Variants in UGT1A7 observed in about 807,000 individuals in gnomAD.
The protein encoded by UGT1A7 is UDP glucuronosyltransferase family 1 member A7.
UGT1A7 carries 33 observed loss-of-function variants against 45.6 expected under a neutral mutation model. That is an observed-to-expected ratio of 0.72 (90% confidence interval 0.55 to 0.97). UGT1A7 has a LOEUF of 0.97. UGT1A7 is among the 50% of genes least tolerant of loss of function. UGT1A7 has a pLI of 0.00. For synonymous variants in UGT1A7, 274 were observed against 250.6 expected (o/e 1.09, Z -0.88); for missense variants, 684 against 666.2 (o/e 1.03, Z -0.29).
At chr2:233,729,266 T>C (rs6431625) in intron 1 of UGT1A7, 636,149 of 1,613,866 alleles carry the variant, frequency 0.39, 130,866 homozygotes, top group African/African-American at 0.67. Flanking sequence ...ATGCGGGAGG[T>C]CTTGCGGGAG....
Position 233,772,452 on chromosome 2 carries a change from G to A in UGT1A7, c.1486G>A (p.Val496Met), listed in dbSNP as rs199723856. 1.2e-4 allele frequency: 186 copies of A among 1,614,176 alleles called. No homozygotes were observed. The highest frequency in any genetic ancestry group is 1.5e-4 in the Non-Finnish European group (177 of 1,180,044). The change falls in exon 5 of 5, where the codon GTG becomes ATG. Residue 496 changes from valine (V) to methionine (M), a missense_variant. Physicochemically the swap from Val to Met is conservative, Grantham distance 21 (BLOSUM62 1). Transcript: ENST00000373426. The stretch of plus-strand genomic sequence containing the variant: ...CGTGATTGGTTTCCTCTTGGCCGTC[G>A]TGCTGACAGTGGCCTTCATCACCTT... ...LDVIGFLLAV[V>M]LTVAFITFKC...
intron 1 of UGT1A7, among the ~76,000 whole-genome samples, chr2:233,702,826 A>G (rs1459451929): frequency 1.3e-5 from 2 of 152,202 alleles, no homozygotes; most frequent in African/African-American, 4.8e-5. Context: ...ATTGTGTTGT[A>G]TAATCCTTTT....
chr2:233,743,881 C>T (rs755016650), intron 1 of UGT1A7: 6 of 1,366,984 alleles, frequency 4.4e-6, no homozygotes, highest in Middle Eastern at 4.2e-4. Flanking sequence ...ATGAGGCCTG[C>T]CGGGGCACGT....
chr2:233,728,881 C>T (rs529466232), intron 1 of UGT1A7, among the ~76,000 whole-genome samples: 1 of 152,166 alleles, frequency 6.6e-6, no homozygotes. Flanking sequence ...TTGGATGTTC[C>T]CCAGAGTGAG....
chr2:233,706,044 G>A (rs2075886174), intron 1 of UGT1A7, among the ~76,000 whole-genome samples: 1 of 152,138 alleles, frequency 6.6e-6, no homozygotes, highest in Admixed American at 6.5e-5. Context: ...GCAGTGAGCC[G>A]AGATCACGCC....
At chr2:233,700,796 T>C (rs2075587558) in intron 1 of UGT1A7, among the ~76,000 whole-genome samples, 1 of 152,174 alleles carries the variant, frequency 6.6e-6, no homozygotes, top group Non-Finnish European at 1.5e-5. Context: ...TATGTATACA[T>C]GTGCCATGTT....
intron 1 of UGT1A7, chr2:233,743,956 G>A (rs184316279): frequency 9.0e-5 from 120 of 1,338,248 alleles, no homozygotes; most frequent in Middle Eastern, 2.2e-4. Flanking sequence ...CTGGCACAGC[G>A]AGCGGCAAGG....
intron 1 of UGT1A7, among the ~76,000 whole-genome samples, chr2:233,744,904 C>A (rs2125866723): frequency 6.6e-6 from 1 of 151,988 alleles, no homozygotes; most frequent in Middle Eastern, 3.4e-3. Flanking sequence ...ATACCAAAAT[C>A]TAGATGCTCA....
intron 1 of UGT1A7, chr2:233,690,760 TACACACACACACACATACACACAC>T: frequency 2.3e-5 from 21 of 905,434 alleles, no homozygotes; most frequent in Non-Finnish European, 2.8e-5. Flanking sequence ...AGTGCAGACA[TACACACACACACACATACACACAC>T]ACACACACAC....
intron 1 of UGT1A7, among the ~76,000 whole-genome samples, chr2:233,700,668 A>G (rs1354442892): frequency 6.6e-6 from 1 of 152,146 alleles, no homozygotes; most frequent in East Asian, 1.9e-4. Context: ...ACTTTTCAGC[A>G]CAAATTCGTG....
chr2:233,765,616 G>A (rs1387784053), intron 1 of UGT1A7, among the ~76,000 whole-genome samples: 1 of 151,774 alleles, frequency 6.6e-6, no homozygotes, highest in Non-Finnish European at 1.5e-5. Flanking sequence ...CGGGGTGAGG[G>A]GTGAGGGGAG....
At chr2:233,747,872 G>A (rs1394034943) in intron 1 of UGT1A7, 4 of 1,613,378 alleles carry the variant, frequency 2.5e-6, no homozygotes, top group African/African-American at 1.3e-5. Flanking sequence ...CTCTGGCCCT[G>A]TCCTACCTTT....
At chr2:233,704,603 G>T (rs1341445338) in intron 1 of UGT1A7, among the ~76,000 whole-genome samples, 1 of 152,070 alleles carries the variant, frequency 6.6e-6, no homozygotes, top group African/African-American at 2.4e-5. Context: ...AGAAGAGCAA[G>T]TATGTATTTA....
intron 1 of UGT1A7, among the ~76,000 whole-genome samples, chr2:233,737,264 C>T (rs890532000): frequency 3.3e-5 from 5 of 152,196 alleles, no homozygotes; most frequent in South Asian, 2.1e-4. Flanking sequence ...TCAGCAATGG[C>T]GGACACCCCT....
At chr2:233,726,985 G>C (rs1185524522) in intron 1 of UGT1A7, among the ~76,000 whole-genome samples, 1 of 152,130 alleles carries the variant, frequency 6.6e-6, no homozygotes, top group African/African-American at 2.4e-5. Flanking sequence ...TTTTGATGAG[G>C]TTCTTTCTAG....
At chr2:233,710,700 T>C (rs1342803924) in intron 1 of UGT1A7, among the ~76,000 whole-genome samples, 2 of 152,204 alleles carry the variant, frequency 1.3e-5, no homozygotes, top group Non-Finnish European at 2.9e-5. Flanking sequence ...TGGTGTGTGG[T>C]GTCCTTTGTT....
Position 233,772,855 on chromosome 2 carries a change from A to T in UGT1A7, c.*296A>T, listed in dbSNP as rs1237319377. On this transcript the variant is annotated 3_prime_UTR_variant, in exon 5 of 5. Transcript: ENST00000373426. ...TTCTAGATTACTTTTCTTACTCTGA[A>T]ACATGGCCTGTTTGGGAGTGCGGGA... 3 of 732,688 alleles carry T rather than the reference A, an allele frequency of 4.1e-6. No homozygotes were observed. Among genetic ancestry groups the T allele is most frequent in the Non-Finnish European group, 5.9e-6 (3 of 506,184 alleles). 45.4% of individuals were successfully genotyped at this position (732,688 alleles called of 1,614,324 possible). A position where few individuals can be genotyped will look rare whatever the true frequency, so the allele number is the denominator to read the frequency against.
In UGT1A7 at chr2:233,772,305, C is replaced by T. The variant is rs201427749; in HGVS notation, c.1339C>T (p.Arg447Cys). Reference protein sequence around the residue: ...IMRLSSLHKDRPVEPLDLAVF... With the variant: ...IMRLSSLHKDCPVEPLDLAVF... Reference sequence around the variant, plus strand: ...GCGCCTCTCCAGCCTTCACAAGGACCGCCCGGTGGAGCCGCTGGACCTGGC... The same window carrying T: ...GCGCCTCTCCAGCCTTCACAAGGACTGCCCGGTGGAGCCGCTGGACCTGGC... Residue 447 changes from arginine to cysteine, a missense_variant, in exon 5 of 5, where the codon CGC (arginine) becomes TGC (cysteine). Physicochemically the swap from Arg to Cys is radical, Grantham distance 180. Transcript: ENST00000373426. 2.9e-5 allele frequency: 47 copies of T among 1,614,194 alleles called. No individual in the cohort carries two copies. Among genetic ancestry groups the T allele is most frequent in the Middle Eastern group, 1.6e-4 (1 of 6,062 alleles).
chr2:233,726,550 A>C (rs1388037540), intron 1 of UGT1A7, among the ~76,000 whole-genome samples: 1 of 152,162 alleles, frequency 6.6e-6, no homozygotes, highest in Non-Finnish European at 1.5e-5. Context: ...CAGCGTCTTC[A>C]AGTCTCCCAC....
Sources: allele counts gnomAD v4.1 joint callset (sites outside exome capture counted in the v4.1 genomes callset), GRCh38; gene constraint gnomAD v4.1.1; transcripts MANE v1.5; gene names NCBI Gene and HGNC (gene_info 2026-07-23, HGNC 2026-07-21).